The following TTC28 variants were observed in gnomAD, a reference collection of about 807,000 sequenced individuals.
TTC28 encodes tetratricopeptide repeat protein 28.
In TTC28, 61 loss-of-function variants were observed where a neutral mutation model predicts 198.0. The observed-to-expected ratio is 0.31, with a 90% CI of 0.25 to 0.38. The LOEUF is 0.38. Among genes scored for constraint, TTC28 ranks in the 10% least tolerant of loss-of-function variants. The pLI is 1.00. For missense variants in TTC28, 2,678 were observed against 3,164.0 expected (o/e 0.85, Z 3.69); for synonymous variants, 1,171 against 1,297.8 (o/e 0.90, Z 2.10).
chr22:28,591,026 CACACACACACACACATATAT>C (rs974396092), intron 2 of TTC28, among the ~76,000 whole-genome samples: 1 of 76,298 alleles, frequency 1.3e-5, no homozygotes, highest in Non-Finnish European at 2.5e-5. Context: ...CACACACACA[CACACACACACACACATATAT>C]ATATATATAT....
At chr22:28,011,507 G>A (rs1204407528) in intron 14 of TTC28, among the ~76,000 whole-genome samples, 1 of 152,180 alleles carries the variant, frequency 6.6e-6, no homozygotes, top group South Asian at 2.1e-4. Context: ...GAGGTCAGGG[G>A]AGTGCTTGAG....
At chr22:28,266,136 C>T (rs1931668445) in intron 5 of TTC28, among the ~76,000 whole-genome samples, 1 of 150,338 alleles carries the variant, frequency 6.7e-6, no homozygotes. Flanking sequence ...GCCAAGATCA[C>T]ACCACTACAC....
intron 14 of TTC28, among the ~76,000 whole-genome samples, chr22:28,006,244 A>C (rs1937924538): frequency 6.6e-6 from 1 of 152,148 alleles, no homozygotes; most frequent in Non-Finnish European, 1.5e-5. Flanking sequence ...ACCTCTCTGC[A>C]CCTTGGTTTC....
chr22:28,636,191 T>A (rs1569075236), intron 1 of TTC28, among the ~76,000 whole-genome samples: 1 of 126,082 alleles, frequency 7.9e-6, no homozygotes, highest in Admixed American at 1.1e-4. Flanking sequence ...AGTGGCACGA[T>A]CTTGGCTCAC....
At position 27,980,998 on chromosome 22, in the gene TTC28, A is replaced by AG. The variant is rs1569062407; in HGVS notation, c.*1222dup. 6.6e-6 allele frequency: 1 copy of AG among 152,394 alleles called. No homozygotes were observed. The highest frequency in any genetic ancestry group is 1.5e-5 in the Non-Finnish European group (1 of 68,260). The allele number at this position is 152,394 out of a possible 1,614,324, so 9.4% of individuals were successfully genotyped here. A position where few individuals can be genotyped will look rare whatever the true frequency, so the allele number is the denominator to read the frequency against. On this transcript the variant is annotated 3_prime_UTR_variant, in exon 23 of 23. Transcript: ENST00000397906. ...GTACGTGTGGCTTCAGCAGTGGGGG[A>AG]GGGGCCAGTCCTTCAGACAGCAGGA...
At chr22:28,007,858 TACAG>T (rs1447333713) in intron 14 of TTC28, 1 of 152,262 alleles carries the variant, frequency 6.6e-6, no homozygotes, top group Non-Finnish European at 1.5e-5. Flanking sequence ...GTTTTAGTCA[TACAG>T]ACAGTTTGCA....
intron 2 of TTC28, among the ~76,000 whole-genome samples, chr22:28,374,100 G>A (rs914948842): frequency 2.0e-5 from 3 of 152,166 alleles, no homozygotes; most frequent in Non-Finnish European, 2.9e-5. Flanking sequence ...GCAAGTAGCA[G>A]TTCCATTTGA....
At chr22:27,985,443 T>C (rs1256967867) in intron 21 of TTC28, 87 bp from the exon 22 acceptor site, 16 of 1,049,566 alleles carry the variant, frequency 1.5e-5, no homozygotes, top group Non-Finnish European at 1.8e-5. Flanking sequence ...CTTGTGCAAC[T>C]TCATGGAATG....
chr22:28,410,522 T>C (rs991975097), intron 2 of TTC28, among the ~76,000 whole-genome samples: 1 of 152,220 alleles, frequency 6.6e-6, no homozygotes, highest in Non-Finnish European at 1.5e-5. Context: ...TATTTCATTG[T>C]GAAAAGGAAC....
intron 2 of TTC28, among the ~76,000 whole-genome samples, chr22:28,616,955 A>G (rs1331189039): frequency 6.6e-6 from 1 of 152,208 alleles, no homozygotes; most frequent in Non-Finnish European, 1.5e-5. Flanking sequence ...TTTAAAATTA[A>G]TAGGAGAGTC....
chr22:28,289,580 C>T (rs77575203), intron 5 of TTC28, among the ~76,000 whole-genome samples: 1 of 152,184 alleles, frequency 6.6e-6, no homozygotes, highest in Non-Finnish European at 1.5e-5. Context: ...TGTCTGTAGT[C>T]CCAGCCACTC....
intron 2 of TTC28, among the ~76,000 whole-genome samples, chr22:28,353,132 T>C (rs1036424854): frequency 2.6e-5 from 4 of 152,018 alleles, no homozygotes; most frequent in Admixed American, 1.3e-4. Flanking sequence ...AAAGAATACG[T>C]TGAGACAAGA....
At chr22:28,233,026 C>G (rs988170918) in intron 5 of TTC28, among the ~76,000 whole-genome samples, 1 of 151,696 alleles carries the variant, frequency 6.6e-6, no homozygotes, top group Non-Finnish European at 1.5e-5. Flanking sequence ...CGCTTGAACC[C>G]GGGAGGCAGA....
rs754700795 is a variant in TTC28, at chr22:28,243,174, C to CAAAAAAAAAAAAAAA, written c.933+53009_933+53023dup. Among the ~76,000 whole-genome samples the CAAAAAAAAAAAAAAA allele has an allele frequency of 1.5e-3, 105 of 68,330 alleles. 20 individuals are homozygous for CAAAAAAAAAAAAAAA. The highest frequency in any genetic ancestry group is 1.8e-3 in the Non-Finnish European group (70 of 38,912). The allele number at this position is 68,330 out of a possible 152,430, so 44.8% of individuals were successfully genotyped here. On this transcript the variant is annotated intron_variant, in intron 5 of 22. Transcript: ENST00000397906. ...GCAACCTGGCAAAACCCCCTCTCTA[C>CAAAAAAAAAAAAAAA]AAAAAAAAAAAAAAAAAAAAAAAAA...
intron 2 of TTC28, among the ~76,000 whole-genome samples, chr22:28,583,939 T>C (rs974178005): frequency 6.6e-6 from 1 of 151,932 alleles, no homozygotes; most frequent in Non-Finnish European, 1.5e-5. Flanking sequence ...TTCTTATAAA[T>C]ATATTCTAAT....
intron 2 of TTC28, among the ~76,000 whole-genome samples, chr22:28,315,874 G>A (rs911052797): frequency 9.9e-5 from 15 of 152,178 alleles, no homozygotes; most frequent in Admixed American, 5.9e-4. Context: ...CACAAAGGAT[G>A]AGGTTGGAGT....
rs754700795 is a variant in TTC28 at position 28,243,174 on chromosome 22, C to CAAA, written c.933+53021_933+53023dup. Among the ~76,000 whole-genome samples, 22 of 68,334 alleles carry CAAA rather than the reference C, an allele frequency of 3.2e-4. 3 individuals are homozygous for CAAA. Among genetic ancestry groups the CAAA allele is most frequent in the East Asian group, 1.9e-3 (3 of 1,612 alleles). 44.8% of individuals were successfully genotyped at this position (68,334 alleles called of 152,430 possible). ...GCAACCTGGCAAAACCCCCTCTCTA[C>CAAA]AAAAAAAAAAAAAAAAAAAAAAAAA... On this transcript the variant is annotated intron_variant, in intron 5 of 22. Coordinates refer to ENST00000397906, the MANE Select transcript of TTC28 (RefSeq NM_001145418.2).
intron 2 of TTC28, among the ~76,000 whole-genome samples, chr22:28,432,385 T>C (rs1425242639): frequency 6.6e-6 from 1 of 151,964 alleles, no homozygotes; most frequent in African/African-American, 2.4e-5. Flanking sequence ...AAAAATTAGC[T>C]TTAGGAATTT....
chr22:28,578,949 T>C (rs1304703103), intron 2 of TTC28, among the ~76,000 whole-genome samples: 2 of 152,034 alleles, frequency 1.3e-5, no homozygotes, highest in Admixed American at 1.3e-4. Flanking sequence ...TCTGGGATCC[T>C]AAACTTGAAA....
Sources: allele counts gnomAD v4.1 joint callset (sites outside exome capture counted in the v4.1 genomes callset), GRCh38; gene constraint gnomAD v4.1.1; transcripts MANE v1.5; gene names NCBI Gene and HGNC (gene_info 2026-07-23, HGNC 2026-07-21).